The following ADAMTSL3 variants were observed in gnomAD, a reference collection of about 807,000 sequenced individuals.
The protein encoded by ADAMTSL3 is ADAMTS-like protein 3.
In ADAMTSL3, 128 loss-of-function variants were observed where a neutral mutation model predicts 201.7. That is an observed-to-expected ratio of 0.63 (90% CI 0.55 to 0.73). The LOEUF (loss-of-function observed/expected upper bound fraction) is 0.73, where lower values mean the gene tolerates loss of function less well. Ranked by LOEUF, ADAMTSL3 falls within the 30% of genes least tolerant of loss-of-function variation. The pLI is 0.00. For missense variants in ADAMTSL3, 1,990 were observed against 2,119.6 expected (o/e 0.94, Z 1.20); for synonymous variants, 738 against 748.4 (o/e 0.99, Z 0.23).
chr15:83,802,407 T>C (rs951261041), intron 4 of ADAMTSL3, among the ~76,000 whole-genome samples: 1 of 152,288 alleles, frequency 6.6e-6, no homozygotes, highest in Non-Finnish European at 1.5e-5. Context: ...AACCTGCATG[T>C]GAATGTTTAT....
intron 3 of ADAMTSL3, among the ~76,000 whole-genome samples, chr15:83,759,992 A>G (rs1195767924): frequency 6.6e-6 from 1 of 151,924 alleles, no homozygotes; most frequent in Non-Finnish European, 1.5e-5. Flanking sequence ...CAAGGAATTT[A>G]ATTTTATTAG....
intron 10 of ADAMTSL3, among the ~76,000 whole-genome samples, chr15:83,887,391 A>G (rs2141876762): frequency 6.6e-6 from 1 of 152,364 alleles, no homozygotes; most frequent in East Asian, 1.9e-4. Context: ...CTTGTCACAA[A>G]TAGAGTACAA....
At chr15:83,891,699 C>T (rs1259584358) in intron 12 of ADAMTSL3, among the ~76,000 whole-genome samples, 1 of 152,118 alleles carries the variant, frequency 6.6e-6, no homozygotes, top group Non-Finnish European at 1.5e-5. Context: ...TATGGTCCTT[C>T]CTGACTCTGA....
chr15:83,758,237 T>C (rs780062224), intron 3 of ADAMTSL3, among the ~76,000 whole-genome samples: 1 of 152,200 alleles, frequency 6.6e-6, no homozygotes, highest in East Asian at 1.9e-4. Context: ...AAAGGTTTAA[T>C]TGACTCACAG....
intron 23 of ADAMTSL3, among the ~76,000 whole-genome samples, chr15:83,992,468 C>T (rs915720522): frequency 1.3e-5 from 2 of 152,154 alleles, no homozygotes; most frequent in South Asian, 2.1e-4. Context: ...CAGAAAGGGC[C>T]GGCATTCTCT....
intron 19 of ADAMTSL3, chr15:83,962,665 C>A (rs995278372): frequency 2.0e-5 from 3 of 152,166 alleles, no homozygotes; most frequent in Admixed American, 2.0e-4. Context: ...CCTTTTTATA[C>A]ATTTGTATTT....
chr15:83,677,630 T>G lies in ADAMTSL3; in HGVS notation c.69+21800T>G, dbSNP rs76441832. Among the ~76,000 whole-genome samples, 1,054 of 152,224 alleles carry G rather than the reference T, an allele frequency of 6.9e-3. 11 individuals are homozygous for G. The highest frequency in any genetic ancestry group is 0.023 in the African/African-American group (970 of 41,548). On this transcript the variant is annotated intron_variant, in intron 2 of 29. Transcript: ENST00000286744. ...AGCATAGTATATGTGTTTTCATCGT[T>G]TACTTTGAACCTGCCTACATTATCA...
chr15:84,036,874 C>G lies in ADAMTSL3; in HGVS notation c.4856C>G (p.Ser1619Cys). The G allele has an allele frequency of 6.2e-7, 1 of 1,614,134 alleles. No individual in the cohort carries two copies. The highest frequency in any genetic ancestry group is 8.5e-7 in the Non-Finnish European group (1 of 1,180,022). The change falls in exon 29 of 30, where the codon TCT (serine) becomes TGT (cysteine). Residue 1619 changes from serine (S) to cysteine (C), a missense_variant. By Grantham distance (112) the Ser-to-Cys change is moderately radical. Transcript: ENST00000286744. ...GCAGCCTGTGGCAGGGGTTTCCAGT[C>G]TCGGAAAGTCGACTGTATCCACACA... ...CTAACGRGFQ[S>C]RKVDCIHTRS... is the part of the protein sequence containing the mutation.
At chr15:83,810,263 A>G (rs2063672043) in intron 5 of ADAMTSL3, among the ~76,000 whole-genome samples, 1 of 152,220 alleles carries the variant, frequency 6.6e-6, no homozygotes, top group Non-Finnish European at 1.5e-5. Context: ...ATGTTGAGCA[A>G]CACACCTGCT....
intron 23 of ADAMTSL3, among the ~76,000 whole-genome samples, chr15:84,002,638 A>G (rs2141863613): frequency 6.6e-6 from 1 of 152,228 alleles, no homozygotes; most frequent in South Asian, 2.1e-4. Flanking sequence ...TATAGATTCC[A>G]TGGAGCCTTG....
chr15:83,872,325 G>A (rs1334541947), intron 9 of ADAMTSL3, among the ~76,000 whole-genome samples: 1 of 152,064 alleles, frequency 6.6e-6, no homozygotes, highest in Non-Finnish European at 1.5e-5. Context: ...TAACACTAAA[G>A]GCGTAAGTGG....
intron 17 of ADAMTSL3, among the ~76,000 whole-genome samples, chr15:83,929,037 C>G (rs1190638342): frequency 6.6e-6 from 1 of 152,156 alleles, no homozygotes; most frequent in Non-Finnish European, 1.5e-5. Context: ...TAAATGAACT[C>G]TTGACTCTCC....
In ADAMTSL3 at chr15:83,669,310, T is replaced by C. The variant is rs1358266416; in HGVS notation, c.69+13480T>C. On this transcript the variant is annotated intron_variant, in intron 2 of 29. Transcript: ENST00000286744. ...ACAGTTGTGCACCACCACGCGCGGC[T>C]AATTTTTGTATTTTTAGTAGAGACG... is the stretch of plus-strand genomic sequence containing the variant. 3.3e-5 allele frequency among the ~76,000 whole-genome samples: 5 copies of C among 151,694 alleles called. No homozygotes were observed. The East Asian group carries it at 9.7e-4, about 29-fold the overall frequency.
intron 6 of ADAMTSL3, among the ~76,000 whole-genome samples, chr15:83,826,330 C>T (rs2064021248): frequency 1.3e-5 from 2 of 151,854 alleles, no homozygotes; most frequent in South Asian, 4.2e-4. Flanking sequence ...ACTATGTTGC[C>T]CAGGCTGATC....
chr15:83,802,884 G>C (rs4843158), intron 4 of ADAMTSL3, among the ~76,000 whole-genome samples: 119,471 of 152,130 alleles, frequency 0.79, 47,972 homozygotes, highest in East Asian at 1. Context: ...AACATAATCA[G>C]GAAAGGTAAT....
intron 7 of ADAMTSL3, among the ~76,000 whole-genome samples, chr15:83,855,872 A>G (rs2064720918): frequency 6.6e-6 from 1 of 152,054 alleles, no homozygotes; most frequent in Non-Finnish European, 1.5e-5. Flanking sequence ...TTAGCCAGGC[A>G]TGCTGGCATG....
At chr15:83,960,783 A>T (rs1304915994) in intron 19 of ADAMTSL3, among the ~76,000 whole-genome samples, 1 of 152,366 alleles carries the variant, frequency 6.6e-6, no homozygotes, top group East Asian at 1.9e-4. Flanking sequence ...TGTTGAAGAC[A>T]ACAAATGGAT....
In ADAMTSL3 at chr15:83,824,389, C is replaced by G. The variant is rs528006682; in HGVS notation, c.600+4342C>G. Reference sequence around the variant, plus strand: ...AAGGTGGAATTTTCCCATAGGACCCCCCTGCTTCCTTAAACGCACAGCCTC... The same window carrying G: ...AAGGTGGAATTTTCCCATAGGACCCGCCTGCTTCCTTAAACGCACAGCCTC... On this transcript the variant is annotated intron_variant, in intron 6 of 29. Transcript: ENST00000286744. Among the ~76,000 whole-genome samples, 3 of 152,180 alleles carry G rather than the reference C, an allele frequency of 2.0e-5. No individual in the cohort carries two copies. In the South Asian group the frequency reaches 6.2e-4, roughly 32 times the overall value.
Position 83,903,946 on chromosome 15 carries a change from A to AG in ADAMTSL3, c.1700+4215_1700+4216insG, listed in dbSNP as rs2065783321. 1.5e-4 allele frequency among the ~76,000 whole-genome samples: 6 copies of AG among 39,800 alleles called. 1 individual carries two copies. The highest frequency in any genetic ancestry group is 1.0e-3 in the African/African-American group (6 of 5,968). 26.1% of individuals were successfully genotyped at this position (39,800 alleles called of 152,430 possible). A position where few individuals can be genotyped will look rare whatever the true frequency, so the allele number is the denominator to read the frequency against. ...AAAAAAAAAAAAAAAAAAAAAAAAG[A>AG]AAAAAGAAAGAAAGAAAGAAAGAAA... is the stretch of plus-strand genomic sequence containing the variant. On this transcript the variant is annotated intron_variant, in intron 15 of 29. Transcript: ENST00000286744.
Sources: allele counts gnomAD v4.1 joint callset (sites outside exome capture counted in the v4.1 genomes callset), GRCh38; gene constraint gnomAD v4.1.1; transcripts MANE v1.5; gene names NCBI Gene and HGNC (gene_info 2026-07-23, HGNC 2026-07-21).